KCNA2: variants seen among roughly 807,000 people sequenced by gnomAD.
KCNA2 encodes potassium channel, voltage gated shaker related subfamily A, member 2.
A neutral mutation model predicts 33.4 loss-of-function variants in KCNA2; 11 were observed. The observed-to-expected ratio is 0.33, with a 90% CI of 0.21 to 0.55. The LOEUF (loss-of-function observed/expected upper bound fraction) is 0.55, where lower values mean the gene tolerates loss of function less well. KCNA2 is among the 20% of genes least tolerant of loss of function. The pLI, the probability that KCNA2 is intolerant of heterozygous loss-of-function variation, is 0.93. For missense variants in KCNA2, 291 were observed against 621.6 expected, an observed-to-expected ratio of 0.47 and a Z score of 5.66; for synonymous variants, 222 against 231.3, an observed-to-expected ratio of 0.96 and a Z score of 0.37.
In KCNA2 at chr1:110,601,418, AATG is replaced by A; in HGVS notation, c.*1862_*1864del. The A allele has an allele frequency of 4.1e-6, 4 of 985,454 alleles. No individual in the cohort carries two copies. Among genetic ancestry groups the A allele is most frequent in the Non-Finnish European group, 3.6e-6 (3 of 829,972 alleles). The allele number at this position is 985,454 out of a possible 1,614,324, so 61.0% of individuals were successfully genotyped here. A position where few individuals can be genotyped will look rare whatever the true frequency, so the allele number is the denominator to read the frequency against. ...TGTGAAAGTGACGGATGCAGAGCCA[AATG>A]ATAATAAGATCCAAGTGGCAAGGGA... On this transcript the variant is annotated 3_prime_UTR_variant, in exon 3 of 3. Coordinates refer to ENST00000316361, the MANE Select transcript of KCNA2 (RefSeq NM_004974.4).
Position 110,603,014 on chromosome 1 carries a change from G to A in KCNA2, c.*269C>T, listed in dbSNP as rs901264430. 2.3e-5 allele frequency: 31 copies of A among 1,328,172 alleles called. No individual in the cohort carries two copies. Among genetic ancestry groups the A allele is most frequent in the Non-Finnish European group, 2.6e-5 (27 of 1,040,406 alleles). The allele number at this position is 1,328,172 out of a possible 1,614,324, so 82.3% of individuals were successfully genotyped here. A position where few individuals can be genotyped will look rare whatever the true frequency, so the allele number is the denominator to read the frequency against. On this transcript the variant is annotated 3_prime_UTR_variant, in exon 3 of 3. Transcript: ENST00000316361. The surrounding 1 kb of genome is among the most constrained non-coding windows in gnomAD (Gnocchi z 5.7). Reference sequence around the variant, plus strand: ...TGGTGCACTGTGTATGGGATATGAGGTGGCCTCAACGTGTCTATCTGAAAT... The same window carrying A: ...TGGTGCACTGTGTATGGGATATGAGATGGCCTCAACGTGTCTATCTGAAAT...
At position 110,600,333 on chromosome 1, in the gene KCNA2, G is replaced by A; in HGVS notation, c.*2950C>T. The A allele has an allele frequency of 2.0e-6, 2 of 984,018 alleles. No individual in the cohort carries two copies. The highest frequency in any genetic ancestry group is 1.2e-6 in the Non-Finnish European group (1 of 829,626). The allele number at this position is 984,018 out of a possible 1,614,324, so 61.0% of individuals were successfully genotyped here. On this transcript the variant is annotated 3_prime_UTR_variant, in exon 3 of 3. Coordinates refer to ENST00000316361, the MANE Select transcript of KCNA2 (RefSeq NM_004974.4). ...GAAACAATGGTAAAGTAGCCTTTGTGTATCTTATATGCATATGCATTTTGT... is the reference window on the plus strand; with the variant it reads ...GAAACAATGGTAAAGTAGCCTTTGTATATCTTATATGCATATGCATTTTGT...
intron 1 of KCNA2, among the ~76,000 whole-genome samples, chr1:110,623,008 A>C (rs373013238): frequency 3.9e-5 from 6 of 152,222 alleles, no homozygotes; most frequent in East Asian, 3.8e-4. Flanking sequence ...ACCTAGAATA[A>C]CCAAAGCAAT....
intron 1 of KCNA2, among the ~76,000 whole-genome samples, chr1:110,625,050 C>A (rs141686918): frequency 1.4e-3 from 220 of 152,318 alleles, no homozygotes; most frequent in Non-Finnish European, 2.5e-3. Context: ...GCAACTCTTC[C>A]TTTAGAGTCA....
upstream of KCNA2, chr1:110,607,251 C>G (rs1358002160): frequency 6.6e-6 from 1 of 152,070 alleles, no homozygotes. Context: ...ACGGATTTAC[C>G]CTTCCGGATG....
At chr1:110,606,559 G>A (rs1033694128), upstream of KCNA2, 1 of 152,488 alleles carries the variant, frequency 6.6e-6, no homozygotes, top group Non-Finnish European at 1.5e-5. Context: ...CCGCGCAGAG[G>A]ACCAGACCCT....
intron 1 of KCNA2, among the ~76,000 whole-genome samples, chr1:110,626,799 G>T (rs1650403403): frequency 6.6e-6 from 1 of 152,052 alleles, no homozygotes; most frequent in Non-Finnish European, 1.5e-5. Flanking sequence ...ACTGGTTCTG[G>T]TTCCGTGACA....
At position 110,600,262 on chromosome 1, in the gene KCNA2, T is replaced by G; in HGVS notation, c.*3021A>C. 1 of 982,308 alleles carries G rather than the reference T, an allele frequency of 1.0e-6. No individual in the cohort carries two copies. Among genetic ancestry groups the G allele is most frequent in the South Asian group, 4.8e-5 (1 of 21,042 alleles). The allele number at this position is 982,308 out of a possible 1,614,324, so 60.8% of individuals were successfully genotyped here. On this transcript the variant is annotated 3_prime_UTR_variant, in exon 3 of 3. Coordinates refer to ENST00000316361, the MANE Select transcript of KCNA2 (RefSeq NM_004974.4). Reference sequence around the variant, plus strand: ...TGTATCTTGTATGCCTATTATAAGTTAATGCATCGTGTGTATATACTGAGT... The same window carrying G: ...TGTATCTTGTATGCCTATTATAAGTGAATGCATCGTGTGTATATACTGAGT...
At chr1:110,623,440 G>A (rs775875226) in intron 1 of KCNA2, among the ~76,000 whole-genome samples, 5 of 152,192 alleles carry the variant, frequency 3.3e-5, no homozygotes, top group African/African-American at 4.8e-5. Context: ...GAAGCATGAT[G>A]TATAAAAGAA....
In KCNA2 at chr1:110,593,990, C is replaced by T; in HGVS notation, c.*9293G>A. 6.5e-7 allele frequency: 1 copy of T among 1,547,140 alleles called. No homozygotes were observed. Among genetic ancestry groups the T allele is most frequent in the South Asian group, 1.2e-5 (1 of 83,402 alleles). Reference sequence around the variant, plus strand: ...TCCCAACTCCCATGAGTCTTCCCCGCAAGTCCTGCTCCGCCTTCAGCTCTC... The same window carrying T: ...TCCCAACTCCCATGAGTCTTCCCCGTAAGTCCTGCTCCGCCTTCAGCTCTC... On this transcript the variant is annotated 3_prime_UTR_variant, in exon 3 of 3. Transcript: ENST00000316361.
rs1218345083 is a variant in KCNA2 at position 110,594,692 on chromosome 1, GA to G, written c.*8590del. ...ACAACAAAAGGAAACTGGGTCGCTG[GA>G]TCCCACGTGAAGGCAGAACTGGGGC... On this transcript the variant is annotated 3_prime_UTR_variant, in exon 3 of 3. Coordinates refer to ENST00000316361, the MANE Select transcript of KCNA2 (RefSeq NM_004974.4). The G allele has an allele frequency of 1.1e-5, 11 of 985,260 alleles. No individual in the cohort carries two copies. Among genetic ancestry groups the G allele is most frequent in the Non-Finnish European group, 1.1e-5 (9 of 829,976 alleles). 61.0% of individuals were successfully genotyped at this position (985,260 alleles called of 1,614,324 possible).
rs955935117 is a variant in KCNA2 at position 110,593,789 on chromosome 1, T to C, written c.*9494A>G. 4 of 1,415,234 alleles carry C rather than the reference T, an allele frequency of 2.8e-6. No homozygotes were observed. Among genetic ancestry groups the C allele is most frequent in the Non-Finnish European group, 3.9e-6 (4 of 1,035,002 alleles). The allele number at this position is 1,415,234 out of a possible 1,614,324, so 87.7% of individuals were successfully genotyped here. On this transcript the variant is annotated 3_prime_UTR_variant, in exon 3 of 3. Transcript: ENST00000316361. ...CATATATGTATAACCTATGTACAAA[T>C]ATCAGACCCTACTGACACAGGAACT...
upstream of KCNA2, chr1:110,606,480 G>A (rs1649621421): frequency 6.6e-6 from 1 of 152,190 alleles, no homozygotes; most frequent in Non-Finnish European, 1.5e-5. Context: ...GGCGGGGAGG[G>A]GTCTGGGCCC....
chr1:110,608,708 C>T (rs1272235951), upstream of KCNA2, among the ~76,000 whole-genome samples: 1 of 152,114 alleles, frequency 6.6e-6, no homozygotes, highest in African/African-American at 2.4e-5. Flanking sequence ...CTGTTAGTGT[C>T]CCAGTCAGTG....
intron 1 of KCNA2, among the ~76,000 whole-genome samples, chr1:110,611,744 T>C (rs1306141498): frequency 2.1e-5 from 3 of 140,382 alleles, no homozygotes; most frequent in Admixed American, 7.4e-5. Flanking sequence ...AAAAAAAGGC[T>C]GGGTATAGTG....
In KCNA2 at chr1:110,598,638, C is replaced by T. The variant is rs1391373904; in HGVS notation, c.*4645G>A. On this transcript the variant is annotated 3_prime_UTR_variant, in exon 3 of 3. Coordinates refer to ENST00000316361, the MANE Select transcript of KCNA2 (RefSeq NM_004974.4). ...ATCATAGCTTCCATGGGAGCCCTTTCCATACTAGGCTAACGCAATCTAGAG... is the reference window on the plus strand; with the variant it reads ...ATCATAGCTTCCATGGGAGCCCTTTTCATACTAGGCTAACGCAATCTAGAG... The T allele has an allele frequency of 1.0e-6, 1 of 985,208 alleles. No individual in the cohort carries two copies. Among genetic ancestry groups the T allele is most frequent in the Non-Finnish European group, 1.2e-6 (1 of 829,958 alleles). 61.0% of individuals were successfully genotyped at this position (985,208 alleles called of 1,614,324 possible).
chr1:110,613,359 G>A (rs558429503), intron 1 of KCNA2, among the ~76,000 whole-genome samples: 2 of 152,370 alleles, frequency 1.3e-5, no homozygotes, highest in South Asian at 2.1e-4. Flanking sequence ...TGAGGGCAGG[G>A]CCATGTCTCT....
chr1:110,599,000 G>C lies in KCNA2; in HGVS notation c.*4283C>G, dbSNP rs1649223331. 1 of 985,218 alleles carries C rather than the reference G, an allele frequency of 1.0e-6. No homozygotes were observed. The highest frequency in any genetic ancestry group is 1.2e-6 in the Non-Finnish European group (1 of 829,926). The allele number at this position is 985,218 out of a possible 1,614,324, so 61.0% of individuals were successfully genotyped here. ...GCACTTGATGAAGCCAACAGGAATG[G>C]TACCTTGACCTGGAAACACAAGTTT... On this transcript the variant is annotated 3_prime_UTR_variant, in exon 3 of 3. Coordinates refer to ENST00000316361, the MANE Select transcript of KCNA2 (RefSeq NM_004974.4).
chr1:110,598,698 C>T lies in KCNA2; in HGVS notation c.*4585G>A. ...CGTGGGGCCCCTTTTAAAAGGCTAA[C>T]CTCATGGTGACATGCCAACACTAGC... On this transcript the variant is annotated 3_prime_UTR_variant, in exon 3 of 3. Transcript: ENST00000316361. 8.1e-6 allele frequency: 8 copies of T among 985,272 alleles called. No individual in the cohort carries two copies. The highest frequency in any genetic ancestry group is 9.6e-6 in the Non-Finnish European group (8 of 829,914). 61.0% of individuals were successfully genotyped at this position (985,272 alleles called of 1,614,324 possible).
Sources: gnomAD v4.1 joint callset for allele counts (sites outside exome capture counted in the v4.1 genomes callset) on GRCh38, gnomAD v4.1.1 for gene constraint, Gnocchi (gnomAD v3.1) non-coding constraint, MANE v1.5 for transcripts, NCBI Gene and HGNC (gene_info 2026-07-23, HGNC 2026-07-21) for gene names.